The following UBE2E1 variants were observed in gnomAD, a reference collection of about 807,000 sequenced individuals.
The protein encoded by UBE2E1 is ubiquitin-conjugating enzyme E2 E1.
A neutral mutation model predicts 21.4 loss-of-function variants in UBE2E1; 6 were observed. That is an observed-to-expected ratio of 0.28 (90% CI 0.15 to 0.55). UBE2E1 has a LOEUF of 0.55. Among genes scored for constraint, UBE2E1 ranks in the 20% least tolerant of loss-of-function variants. The pLI is 0.93. For synonymous variants in UBE2E1, 87 were observed against 82.7 expected, an observed-to-expected ratio of 1.05 and a Z score of -0.28; for missense variants, 142 against 236.5, an observed-to-expected ratio of 0.60 and a Z score of 2.62.
intron 3 of UBE2E1, among the ~76,000 whole-genome samples, chr3:23,872,830 A>G (rs1291928713): frequency 6.6e-6 from 1 of 152,188 alleles, no homozygotes; most frequent in East Asian, 1.9e-4. Context: ...CATCCTGGCT[A>G]ACATGGTGAC....
intron 3 of UBE2E1, among the ~76,000 whole-genome samples, chr3:23,882,554 C>T (rs953900678): frequency 1.6e-4 from 25 of 152,140 alleles, no homozygotes; most frequent in East Asian, 1.6e-3. Flanking sequence ...CTTGGGCAGG[C>T]GATGGGACCG....
intron 3 of UBE2E1, among the ~76,000 whole-genome samples, chr3:23,822,194 A>G (rs1699659361): frequency 6.6e-6 from 1 of 152,220 alleles, no homozygotes; most frequent in African/African-American, 2.4e-5. Flanking sequence ...GCAAGTAACC[A>G]CTAGATTTTA....
At chr3:23,847,762 T>G (rs561240570) in intron 3 of UBE2E1, among the ~76,000 whole-genome samples, 2 of 152,268 alleles carry the variant, frequency 1.3e-5, no homozygotes, top group African/African-American at 4.8e-5. Flanking sequence ...CCCAAAGTGC[T>G]GGGATTACAG....
chr3:23,865,133 C>G (rs1056186322), intron 3 of UBE2E1, among the ~76,000 whole-genome samples: 1 of 152,232 alleles, frequency 6.6e-6, no homozygotes, highest in South Asian at 2.1e-4. Context: ...CTCAGGGTCT[C>G]TCTTGGCTGT....
chr3:23,820,408 A>G (rs1466819481), intron 3 of UBE2E1, among the ~76,000 whole-genome samples: 1 of 152,214 alleles, frequency 6.6e-6, no homozygotes, highest in East Asian at 1.9e-4. Context: ...TGTAGAGTCC[A>G]TGCCACATTA....
intron 4 of UBE2E1, chr3:23,888,277 G>A (rs181260420): frequency 1.8e-5 from 8 of 457,090 alleles, no homozygotes; most frequent in Non-Finnish European, 4.4e-6. Flanking sequence ...GATTGCCCAA[G>A]TCACCCATCT....
chr3:23,855,682 T>G lies in UBE2E1; in HGVS notation c.204-31885T>G, dbSNP rs183174422. Among the ~76,000 whole-genome samples, 1,118 of 151,852 alleles carry G rather than the reference T, an allele frequency of 7.4e-3. 14 individuals are homozygous for G. The highest frequency in any genetic ancestry group is 0.025 in the African/African-American group (1,043 of 41,404). On this transcript the variant is annotated intron_variant, in intron 3 of 5. Coordinates refer to ENST00000306627, the MANE Select transcript of UBE2E1 (RefSeq NM_003341.5). ...GTCTCTACTAAAAATACAAAAAAAT[T>G]AGCTGGGCGTGGTGGTGGGCGCCTG...
rs996463985 is a variant in UBE2E1, at chr3:23,810,744, C to T, written c.153-716C>T. 1.6e-5 allele frequency: 5 copies of T among 321,024 alleles called. No individual in the cohort carries two copies. Among genetic ancestry groups the T allele is most frequent in the African/African-American group, 4.4e-5 (2 of 45,838 alleles). The allele number at this position is 321,024 out of a possible 1,614,324, so 19.9% of individuals were successfully genotyped here. On this transcript the variant is annotated intron_variant, in intron 2 of 5. Coordinates refer to ENST00000306627, the MANE Select transcript of UBE2E1 (RefSeq NM_003341.5). This position sits in a 1 kb window ranked among gnomAD's most constrained non-coding sequence, Gnocchi z 5.8. The stretch of plus-strand genomic sequence containing the variant: ...CGCGGAGCAGCCCCCGTGCGGGCAC[C>T]CTGTTCCCCTCCCCCGCCCGCAACT...
intron 4 of UBE2E1, among the ~76,000 whole-genome samples, chr3:23,888,597 G>A (rs1701255767): frequency 6.6e-6 from 1 of 152,220 alleles, no homozygotes; most frequent in Admixed American, 6.5e-5. Flanking sequence ...TAGACAGGAT[G>A]TCTATAGGAC....
At chr3:23,889,053 A>C (rs1701275273) in intron 4 of UBE2E1, 59 bp from the exon 5 acceptor site, 4 of 1,521,474 alleles carry the variant, frequency 2.6e-6, no homozygotes, top group Non-Finnish European at 3.5e-6. Context: ...CATTCAGTTG[A>C]ATATTTAGTA....
intron 3 of UBE2E1, among the ~76,000 whole-genome samples, chr3:23,886,014 T>G (rs1027554275): frequency 5.9e-5 from 9 of 151,598 alleles, no homozygotes; most frequent in Non-Finnish European, 8.8e-5. Context: ...CTGGGCAACA[T>G]AGAGAGACCC....
chr3:23,851,735 G>A (rs1364989221), intron 3 of UBE2E1, among the ~76,000 whole-genome samples: 2 of 152,118 alleles, frequency 1.3e-5, no homozygotes, highest in East Asian at 1.9e-4. Context: ...CCAGGAGTTC[G>A]AGGCTGCAGT....
intron 3 of UBE2E1, among the ~76,000 whole-genome samples, chr3:23,846,869 C>CT (rs920934610): frequency 1.9e-4 from 29 of 149,238 alleles, no homozygotes; most frequent in Non-Finnish European, 2.5e-4. Flanking sequence ...TGTTTAGCTA[C>CT]TTTTTTTTTT....
chr3:23,882,498 C>T (rs939642069), intron 3 of UBE2E1, among the ~76,000 whole-genome samples: 4 of 152,252 alleles, frequency 2.6e-5, no homozygotes, highest in Admixed American at 6.5e-5. Flanking sequence ...GGGCTGCGGG[C>T]GGAGCTGCCC....
chr3:23,890,112 A>G (rs370662306), intron 5 of UBE2E1, among the ~76,000 whole-genome samples: 2 of 152,352 alleles, frequency 1.3e-5, no homozygotes, highest in South Asian at 4.1e-4. Context: ...CACAGTATTC[A>G]CAATGCCGTT....
chr3:23,884,092 T>C (rs1701119871), intron 3 of UBE2E1, among the ~76,000 whole-genome samples: 2 of 152,210 alleles, frequency 1.3e-5, no homozygotes, highest in Admixed American at 6.5e-5. Flanking sequence ...CATGTTATAT[T>C]GCACCTTTAT....
intron 3 of UBE2E1, among the ~76,000 whole-genome samples, chr3:23,829,369 A>G (rs1699820971): frequency 6.7e-6 from 1 of 150,316 alleles, no homozygotes; most frequent in Admixed American, 6.7e-5. Flanking sequence ...TATGTTGCCC[A>G]GGCTGGTCTG....
chr3:23,825,469 T>G (rs1699737678), intron 3 of UBE2E1, among the ~76,000 whole-genome samples: 1 of 152,238 alleles, frequency 6.6e-6, no homozygotes, highest in Non-Finnish European at 1.5e-5. Flanking sequence ...AGACACTGTC[T>G]CTGTGCTCAT....
intron 3 of UBE2E1, among the ~76,000 whole-genome samples, chr3:23,867,416 G>A (rs1700681673): frequency 6.6e-6 from 1 of 152,164 alleles, no homozygotes; most frequent in Non-Finnish European, 1.5e-5. Flanking sequence ...CTTATATTTG[G>A]ATAAATTATC....
Sources: gnomAD v4.1 joint callset for allele counts (sites outside exome capture counted in the v4.1 genomes callset) on GRCh38, gnomAD v4.1.1 for gene constraint, Gnocchi (gnomAD v3.1) non-coding constraint, MANE v1.5 for transcripts, NCBI Gene and HGNC (gene_info 2026-07-23, HGNC 2026-07-21) for gene names.